Variants in MACROD2 observed in about 807,000 individuals in gnomAD.
MACROD2 encodes the protein mono-ADP ribosylhydrolase 2.
In MACROD2, 36 loss-of-function variants were observed where a neutral mutation model predicts 70.4. That is an observed-to-expected ratio of 0.51 (90% CI 0.39 to 0.68). The LOEUF is 0.68. Ranked by LOEUF, MACROD2 falls within the 30% of genes least tolerant of loss-of-function variation. The probability of loss-of-function intolerance (pLI) is 0.00; values close to 1 mark genes in which losing one functional copy is unlikely to be tolerated. For synonymous variants in MACROD2, 172 were observed against 178.8 expected (o/e 0.96, Z 0.30); for missense variants, 496 against 538.4 (o/e 0.92, Z 0.78).
intron 10 of MACROD2, chr20:15,894,056 C>T (rs893111595): frequency 1.2e-5 from 5 of 405,468 alleles, no homozygotes; most frequent in Non-Finnish European, 2.5e-5. Flanking sequence ...AAGTGGCCGG[C>T]CTCAGCAGGA....
intron 15 of MACROD2, among the ~76,000 whole-genome samples, chr20:16,027,971 A>G (rs2067103028): frequency 6.6e-6 from 1 of 152,198 alleles, no homozygotes; most frequent in South Asian, 2.1e-4. Flanking sequence ...CTGAATGAGA[A>G]TTAGATGCTT....
chr20:14,313,904 A>G (rs2082589632), intron 3 of MACROD2, among the ~76,000 whole-genome samples: 1 of 152,202 alleles, frequency 6.6e-6, no homozygotes, highest in South Asian at 2.1e-4. Flanking sequence ...TTATAGTTAA[A>G]TACAAGACTA....
intron 3 of MACROD2, among the ~76,000 whole-genome samples, chr20:14,368,291 G>A (rs761501564): frequency 2.6e-4 from 40 of 152,086 alleles, no homozygotes; most frequent in Non-Finnish European, 4.1e-4. Context: ...AGTGGCTCAC[G>A]CCTGTAATTG....
intron 3 of MACROD2, among the ~76,000 whole-genome samples, chr20:14,270,514 G>A (rs756235845): frequency 2.0e-5 from 3 of 151,788 alleles, no homozygotes; most frequent in Non-Finnish European, 4.4e-5. Flanking sequence ...GCTTGAACCC[G>A]GGAGGCTCAG....
chr20:15,169,413 CT>C (rs528626921), intron 5 of MACROD2, among the ~76,000 whole-genome samples: 3 of 152,060 alleles, frequency 2.0e-5, no homozygotes, highest in Non-Finnish European at 4.4e-5. Flanking sequence ...TTTTTATAGT[CT>C]TTTTTGGCCT....
intron 5 of MACROD2, among the ~76,000 whole-genome samples, chr20:15,054,517 G>A (rs1283732318): frequency 3.9e-5 from 6 of 152,040 alleles, no homozygotes; most frequent in Non-Finnish European, 8.8e-5. Context: ...ATTAAGGTAG[G>A]TACATTATTT....
chr20:14,159,134 A>T (rs2055147814), intron 3 of MACROD2, among the ~76,000 whole-genome samples: 1 of 152,164 alleles, frequency 6.6e-6, no homozygotes, highest in South Asian at 2.1e-4. Flanking sequence ...GCTACTTGGG[A>T]GGTTGAGGCA....
At chr20:15,513,838 A>AT (rs2047532876) in intron 8 of MACROD2, among the ~76,000 whole-genome samples, 1 of 152,184 alleles carries the variant, frequency 6.6e-6, no homozygotes, top group Non-Finnish European at 1.5e-5. Flanking sequence ...ACATAATGAC[A>AT]TTTTTTGTCA....
chr20:14,135,625 A>G (rs1324461286), intron 3 of MACROD2, among the ~76,000 whole-genome samples: 5 of 152,162 alleles, frequency 3.3e-5, no homozygotes, highest in African/African-American at 9.7e-5. Context: ...GCAATGAGCT[A>G]TGATTGCATC....
intron 3 of MACROD2, among the ~76,000 whole-genome samples, chr20:14,138,654 A>T (rs1171304188): frequency 6.6e-6 from 1 of 152,100 alleles, no homozygotes; most frequent in Non-Finnish European, 1.5e-5. Context: ...TGGTCAAAGC[A>T]TAGAAGCTTT....
intron 5 of MACROD2, among the ~76,000 whole-genome samples, chr20:14,991,211 A>T (rs1400737327): frequency 6.6e-6 from 1 of 152,146 alleles, no homozygotes; most frequent in African/African-American, 2.4e-5. Context: ...AGTGAAAAAA[A>T]AAATCTCACG....
intron 4 of MACROD2, among the ~76,000 whole-genome samples, chr20:14,542,183 T>C (rs144547495): frequency 3.3e-5 from 5 of 152,326 alleles, no homozygotes; most frequent in Non-Finnish European, 5.9e-5. Context: ...TCACACCCTT[T>C]TGTCTTTCCC....
At chr20:15,999,684 C>T (rs979560571) in intron 15 of MACROD2, among the ~76,000 whole-genome samples, 1 of 152,190 alleles carries the variant, frequency 6.6e-6, no homozygotes, top group African/African-American at 2.4e-5. Flanking sequence ...TACAATTGTA[C>T]ATCTTCTTGA....
chr20:14,715,298 C>G (rs2071385149), intron 5 of MACROD2, among the ~76,000 whole-genome samples: 1 of 152,200 alleles, frequency 6.6e-6, no homozygotes, highest in Non-Finnish European at 1.5e-5. Flanking sequence ...CTGGGTCCCT[C>G]TCACCATAGG....
intron 5 of MACROD2, among the ~76,000 whole-genome samples, chr20:14,857,562 A>T (rs1054930261): frequency 2.0e-5 from 3 of 152,214 alleles, no homozygotes; most frequent in Non-Finnish European, 4.4e-5. Flanking sequence ...CTTAGCACAC[A>T]TGTCCAGATG....
At chr20:14,998,426 C>A (rs1373970414) in intron 5 of MACROD2, among the ~76,000 whole-genome samples, 1 of 152,080 alleles carries the variant, frequency 6.6e-6, no homozygotes, top group Non-Finnish European at 1.5e-5. Context: ...ATGAAATGGA[C>A]ATAATTTTTG....
At chr20:14,577,440 T>C (rs1980672018) in intron 4 of MACROD2, among the ~76,000 whole-genome samples, 1 of 152,194 alleles carries the variant, frequency 6.6e-6, no homozygotes, top group East Asian at 1.9e-4. Context: ...ACTTTTCATC[T>C]AAGCTTTATA....
At chr20:15,033,295 C>T (rs1762657174) in intron 5 of MACROD2, among the ~76,000 whole-genome samples, 1 of 152,136 alleles carries the variant, frequency 6.6e-6, no homozygotes, top group African/African-American at 2.4e-5. Context: ...AAAATGTTTA[C>T]CTCTGCTGCC....
chr20:14,925,942 T>A (rs1393179892), intron 5 of MACROD2, among the ~76,000 whole-genome samples: 3 of 152,106 alleles, frequency 2.0e-5, no homozygotes, highest in African/African-American at 7.2e-5. Flanking sequence ...TTAATGGAAA[T>A]GGCTTTGGAG....
Sources: gnomAD v4.1 joint callset for allele counts (sites outside exome capture counted in the v4.1 genomes callset) on GRCh38, gnomAD v4.1.1 for gene constraint, MANE v1.5 for transcripts, NCBI Gene and HGNC (gene_info 2026-07-23, HGNC 2026-07-21) for gene names.